The following NXPH2 variants were observed in gnomAD, a reference collection of about 807,000 sequenced individuals.
The protein encoded by NXPH2 is neurexophilin-2.
A neutral mutation model predicts 19.8 loss-of-function variants in NXPH2; 5 were observed. That is an observed-to-expected ratio of 0.25 (90% CI 0.13 to 0.53). The LOEUF (loss-of-function observed/expected upper bound fraction) is 0.53, where lower values mean the gene tolerates loss of function less well. Among genes scored for constraint, NXPH2 ranks in the 20% least tolerant of loss-of-function variants. The pLI, the probability that NXPH2 is intolerant of heterozygous loss-of-function variation, is 0.96. For missense variants in NXPH2, 289 were observed against 322.8 expected (o/e 0.90, Z 0.80); for synonymous variants, 154 against 127.4 (o/e 1.21, Z -1.41).
intron 1 of NXPH2, among the ~76,000 whole-genome samples, chr2:138,689,178 A>G (rs1573954883): frequency 6.6e-6 from 1 of 152,200 alleles, no homozygotes; most frequent in Non-Finnish European, 1.5e-5. Context: ...GGATCAAGCC[A>G]TGAAGTTTAA....
chr2:138,715,775 T>C (rs1459390570), intron 1 of NXPH2, among the ~76,000 whole-genome samples: 1 of 152,136 alleles, frequency 6.6e-6, no homozygotes, highest in East Asian at 1.9e-4. Flanking sequence ...CACCTAAATC[T>C]CCATTTCTTT....
chr2:138,698,716 T>C lies in NXPH2; in HGVS notation c.52-27051A>G, dbSNP rs567591410. ...AAAAAATTTACAAATTAGCCGGGTG[T>C]GGTGGTGCGTGCCTGTGGTTCCAGC... On this transcript the variant is annotated intron_variant, in intron 1 of 1. Coordinates refer to ENST00000272641, the MANE Select transcript of NXPH2 (RefSeq NM_007226.3). Among the ~76,000 whole-genome samples, 213 of 152,154 alleles carry C rather than the reference T, an allele frequency of 1.4e-3. 1 individual carries two copies. Among genetic ancestry groups the C allele is most frequent in the African/African-American group, 4.8e-3 (198 of 41,506 alleles).
chr2:138,774,983 G>A (rs1217399994), intron 1 of NXPH2, among the ~76,000 whole-genome samples: 1 of 152,106 alleles, frequency 6.6e-6, no homozygotes, highest in East Asian at 1.9e-4. Flanking sequence ...CTAAGTCAGC[G>A]TTATTATCAT....
intron 1 of NXPH2, among the ~76,000 whole-genome samples, chr2:138,740,210 G>T (rs1428984263): frequency 1.3e-5 from 2 of 152,200 alleles, no homozygotes; most frequent in Non-Finnish European, 2.9e-5. Context: ...CTAGTGTAGA[G>T]TTTAGTAACT....
At chr2:138,747,679 AATTC>A (rs1681762453) in intron 1 of NXPH2, among the ~76,000 whole-genome samples, 1 of 152,188 alleles carries the variant, frequency 6.6e-6, no homozygotes. Flanking sequence ...CTTTTATCTG[AATTC>A]AGTCACTCTG....
intron 1 of NXPH2, among the ~76,000 whole-genome samples, chr2:138,731,692 C>CAGACAGGACTGGAGGGTCCAA (rs890261923): frequency 6.6e-6 from 1 of 151,992 alleles, no homozygotes. Flanking sequence ...GGTCAACCTG[C>CAGACAGGACTGGAGGGTCCAA]AGACAGGACT....
intron 1 of NXPH2, among the ~76,000 whole-genome samples, chr2:138,745,548 CA>C (rs2105008711): frequency 6.7e-6 from 1 of 148,784 alleles, no homozygotes; most frequent in Non-Finnish European, 1.5e-5. Context: ...AAGTCTTACG[CA>C]AAAAGTTAAT....
intron 1 of NXPH2, among the ~76,000 whole-genome samples, chr2:138,678,008 T>C (rs1313105946): frequency 6.6e-6 from 1 of 152,204 alleles, no homozygotes; most frequent in Non-Finnish European, 1.5e-5. Flanking sequence ...TTGGATCTTC[T>C]TAGTTTTTCT....
intron 1 of NXPH2, among the ~76,000 whole-genome samples, chr2:138,768,787 G>T (rs1429057292): frequency 1.3e-5 from 2 of 152,164 alleles, no homozygotes; most frequent in Non-Finnish European, 2.9e-5. Context: ...TTATGGGCCA[G>T]GTATTTTACA....
intron 1 of NXPH2, among the ~76,000 whole-genome samples, chr2:138,757,964 G>T (rs1314257061): frequency 6.6e-6 from 1 of 152,094 alleles, no homozygotes; most frequent in Non-Finnish European, 1.5e-5. Context: ...ATGCTGGCAT[G>T]AAAAGCATTG....
chr2:138,689,672 G>C (rs1365056745), intron 1 of NXPH2, among the ~76,000 whole-genome samples: 1 of 152,142 alleles, frequency 6.6e-6, no homozygotes, highest in Non-Finnish European at 1.5e-5. Flanking sequence ...ACTGTATTTG[G>C]CTTTTATAGG....
chr2:138,709,496 G>A (rs1681065503), intron 1 of NXPH2, among the ~76,000 whole-genome samples: 1 of 150,962 alleles, frequency 6.6e-6, no homozygotes, highest in African/African-American at 2.4e-5. Flanking sequence ...CACCAGTGTG[G>A]TGCATTTGTT....
At chr2:138,720,811 T>C (rs1681268143) in intron 1 of NXPH2, among the ~76,000 whole-genome samples, 1 of 152,176 alleles carries the variant, frequency 6.6e-6, no homozygotes, top group East Asian at 1.9e-4. Context: ...GATAAATGCT[T>C]CTGAGTAGAG....
chr2:138,709,367 GA>G (rs1317181777), intron 1 of NXPH2, among the ~76,000 whole-genome samples: 1 of 152,086 alleles, frequency 6.6e-6, no homozygotes, highest in Non-Finnish European at 1.5e-5. Flanking sequence ...ATTATTAACA[GA>G]CTTTATTTTT....
At chr2:138,779,156 C>A (rs1163018330) in intron 1 of NXPH2, among the ~76,000 whole-genome samples, 1 of 152,162 alleles carries the variant, frequency 6.6e-6, no homozygotes, top group East Asian at 1.9e-4. Flanking sequence ...CTTCTAAGTG[C>A]TTGGGCAAAG....
chr2:138,692,166 C>G (rs1479272784), intron 1 of NXPH2, among the ~76,000 whole-genome samples: 1 of 152,166 alleles, frequency 6.6e-6, no homozygotes, highest in African/African-American at 2.4e-5. Context: ...GGAGCTCACA[C>G]AAAGCCTGGG....
At chr2:138,703,057 T>G (rs1011531849) in intron 1 of NXPH2, among the ~76,000 whole-genome samples, 6 of 152,216 alleles carry the variant, frequency 3.9e-5, no homozygotes, top group Admixed American at 6.5e-5. Context: ...TGGGCCATGT[T>G]CTCTCGCCTG....
chr2:138,717,528 C>T (rs1380334342), intron 1 of NXPH2, among the ~76,000 whole-genome samples: 1 of 151,694 alleles, frequency 6.6e-6, no homozygotes, highest in African/African-American at 2.4e-5. Flanking sequence ...AAGGGAAAAG[C>T]ACCTCTCTTG....
chr2:138,722,747 A>G (rs1681300901), intron 1 of NXPH2, among the ~76,000 whole-genome samples: 1 of 152,240 alleles, frequency 6.6e-6, no homozygotes, highest in African/African-American at 2.4e-5. Flanking sequence ...GCATGTGCCG[A>G]TGGATTGCCA....
Sources: allele counts gnomAD v4.1 joint callset (sites outside exome capture counted in the v4.1 genomes callset), GRCh38; gene constraint gnomAD v4.1.1; transcripts MANE v1.5; gene names NCBI Gene and HGNC (gene_info 2026-07-23, HGNC 2026-07-21).